Variants in IL22RA1 observed in about 807,000 individuals in gnomAD.
IL22RA1 encodes the protein interleukin-22 receptor subunit alpha-1.
IL22RA1 carries 25 observed loss-of-function variants against 32.8 expected under a neutral mutation model. The observed-to-expected ratio is 0.76, with a 90% confidence interval of 0.55 to 1.06. The LOEUF is 1.06. Ranked by LOEUF, IL22RA1 falls within the 50% of genes least tolerant of loss-of-function variation. The probability of loss-of-function intolerance (pLI) is 0.00; values close to 1 mark genes in which losing one functional copy is unlikely to be tolerated. For missense variants in IL22RA1, 709 were observed against 727.4 expected, an observed-to-expected ratio of 0.97 and a Z score of 0.29; for synonymous variants, 305 against 305.0, an observed-to-expected ratio of 1.00 and a Z score of 0.00.
intron 6 of IL22RA1, among the ~76,000 whole-genome samples, 184 bp from the exon 7 acceptor site, chr1:24,121,921 A>T (rs987452193): frequency 1.3e-5 from 2 of 152,150 alleles, no homozygotes; most frequent in African/African-American, 4.8e-5. Flanking sequence ...CTCTGAAGGG[A>T]CAGGGTCTCT....
At chr1:24,140,107 G>A (rs1644270149) in intron 1 of IL22RA1, among the ~76,000 whole-genome samples, 1 of 152,242 alleles carries the variant, frequency 6.6e-6, no homozygotes, top group South Asian at 2.1e-4. Context: ...TGGCATTTGT[G>A]AAGTGCACAG....
In IL22RA1 at chr1:24,143,074, C is replaced by T. The variant is rs763290710; in HGVS notation, c.9G>A (p.Thr3=). Residue 3 remains threonine, a synonymous_variant, in exon 1 of 7, where the codon ACG becomes ACA. Transcript: ENST00000270800. MR[T]LLTILTVGSL... ...ATCCCACAGTCAAGATGGTCAGCAG[C>T]GTCCTCATCGGGGCTGGCACAGAGC... is the stretch of plus-strand genomic sequence containing the variant. The T allele has an allele frequency of 1.3e-5, 21 of 1,613,000 alleles. No homozygotes were observed. The highest frequency in any genetic ancestry group is 6.7e-5 in the East Asian group (3 of 44,872).
intron 2 of IL22RA1, among the ~76,000 whole-genome samples, chr1:24,138,135 C>T (rs1569581784): frequency 6.6e-6 from 1 of 152,160 alleles, no homozygotes; most frequent in African/African-American, 2.4e-5. Context: ...GGAACAGGAG[C>T]GTGGGCTAGA....
intron 5 of IL22RA1, among the ~76,000 whole-genome samples, chr1:24,125,642 A>G (rs181043832): frequency 6.6e-6 from 1 of 152,278 alleles, no homozygotes; most frequent in Admixed American, 6.5e-5. Context: ...AACCAGATGA[A>G]TCAATCAGGT....
At chr1:24,124,908 G>A (rs1341617455) in intron 5 of IL22RA1, among the ~76,000 whole-genome samples, 4 of 152,142 alleles carry the variant, frequency 2.6e-5, no homozygotes, top group African/African-American at 9.7e-5. Flanking sequence ...GACATGGAAT[G>A]GTCTCTGGCT....
chr1:24,129,371 G>C (rs1557628339), intron 4 of IL22RA1, among the ~76,000 whole-genome samples: 1 of 152,216 alleles, frequency 6.6e-6, no homozygotes, highest in Non-Finnish European at 1.5e-5. Flanking sequence ...GGCCCTGCCA[G>C]CTCCCTGCTG....
chr1:24,124,404 T>G (rs1049355274), intron 5 of IL22RA1, among the ~76,000 whole-genome samples: 4 of 152,142 alleles, frequency 2.6e-5, no homozygotes, highest in Non-Finnish European at 4.4e-5. Flanking sequence ...TGCCTGAGCC[T>G]CTCCCTGTGT....
At chr1:24,135,393 A>G (rs1324479073) in intron 3 of IL22RA1, among the ~76,000 whole-genome samples, 1 of 152,214 alleles carries the variant, frequency 6.6e-6, no homozygotes, top group Non-Finnish European at 1.5e-5. Flanking sequence ...CATTTTCTAC[A>G]ATGAATGTGA....
intron 2 of IL22RA1, 124 bp from the exon 3 acceptor site, chr1:24,137,433 A>T (rs964738030): frequency 2.7e-6 from 2 of 744,778 alleles, no homozygotes; most frequent in African/African-American, 3.5e-5. Context: ...CAGGCCCTTT[A>T]TGCGAATGAT....
At chr1:24,134,409 G>A (rs1369727937) in intron 3 of IL22RA1, 23 bp from the exon 4 acceptor site, 1 of 1,449,290 alleles carries the variant, frequency 6.9e-7, no homozygotes, top group African/African-American at 1.5e-5. Context: ...AGAGAGAAAA[G>A]AGAAAAGAAA....
chr1:24,128,059 C>T, intron 5 of IL22RA1, 82 bp downstream of exon 5: 2 of 1,373,900 alleles, frequency 1.5e-6, no homozygotes, highest in East Asian at 2.6e-5. Flanking sequence ...TGCCAAGTCT[C>T]ACCTTGGTTA....
Position 24,121,022 on chromosome 1 carries a change from T to G in IL22RA1, c.1508A>C (p.Gln503Pro), listed in dbSNP as rs1644116352. ...GAGGGACATGGGGTGGCCCTCGATC[T>G]GGACTGAGGAGAGGAGGGGGAGCTG... ...KGQLPLLSSV[Q>P]IEGHPMSLPL... The change falls in exon 7 of 7, where the codon CAG becomes CCG. Residue 503 changes from glutamine to proline, a missense_variant. Coordinates refer to ENST00000270800, the MANE Select transcript of IL22RA1 (RefSeq NM_021258.4). 6.2e-7 allele frequency: 1 copy of G among 1,614,026 alleles called. No homozygotes were observed. Among genetic ancestry groups the G allele is most frequent in the Non-Finnish European group, 8.5e-7 (1 of 1,179,976 alleles).
At chr1:24,123,152 CT>C in intron 6 of IL22RA1, 149 bp downstream of exon 6, 1 of 1,217,926 alleles carries the variant, frequency 8.2e-7, no homozygotes, top group Non-Finnish European at 1.1e-6. Context: ...CGTCCGTTGA[CT>C]TTAGCTGGGA....
chr1:24,120,726 G>A lies in IL22RA1; in HGVS notation c.*79C>T. On this transcript the variant is annotated 3_prime_UTR_variant, in exon 7 of 7. Transcript: ENST00000270800. ...GGCCAGATCGCAGAGTGTGTGGCGT[G>A]GGCAGGCATGGGATTGACAGCCAAG... is the stretch of plus-strand genomic sequence containing the variant. 2 of 1,333,676 alleles carry A rather than the reference G, an allele frequency of 1.5e-6. No individual in the cohort carries two copies. Among genetic ancestry groups the A allele is most frequent in the Non-Finnish European group, 2.1e-6 (2 of 964,836 alleles). 82.6% of individuals were successfully genotyped at this position (1,333,676 alleles called of 1,614,324 possible). A position where few individuals can be genotyped will look rare whatever the true frequency, so the allele number is the denominator to read the frequency against.
intron 4 of IL22RA1, among the ~76,000 whole-genome samples, chr1:24,129,707 A>G (rs1644192303): frequency 6.6e-6 from 1 of 152,248 alleles, no homozygotes; most frequent in African/African-American, 2.4e-5. Flanking sequence ...TTTTTCAGGC[A>G]CATGGAGGCC....
intron 4 of IL22RA1, among the ~76,000 whole-genome samples, chr1:24,131,219 C>T (rs1644202624): frequency 6.6e-6 from 1 of 152,070 alleles, no homozygotes; most frequent in South Asian, 2.1e-4. Flanking sequence ...AAATAGAGAA[C>T]TTGAAGAAAG....
chr1:24,126,540 G>A lies in IL22RA1; in HGVS notation c.670+1601C>T, dbSNP rs114875920. 4.6e-3 allele frequency among the ~76,000 whole-genome samples: 699 copies of A among 152,284 alleles called. 5 individuals are homozygous for A. The highest frequency in any genetic ancestry group is 0.016 in the African/African-American group (658 of 41,556). On this transcript the variant is annotated intron_variant, in intron 5 of 6. Coordinates refer to ENST00000270800, the MANE Select transcript of IL22RA1 (RefSeq NM_021258.4). ...GGTTGGCTGACATCTGACTAATACC[G>A]TGCCTTCTCATTCCTCACACGGTAC...
At position 24,121,727 on chromosome 1, in the gene IL22RA1, C is replaced by T. The variant is rs141305131; in HGVS notation, c.803G>A (p.Arg268Gln). 182 of 1,535,428 alleles carry T rather than the reference C, an allele frequency of 1.2e-4. No individual in the cohort carries two copies. Among genetic ancestry groups the T allele is most frequent in the Non-Finnish European group, 1.4e-4 (161 of 1,136,752 alleles). The part of the protein sequence containing the change: ...PAPPNSLNVQ[R>Q]VLTFQPLRFI... Reference sequence around the variant, plus strand: ...GCGCAGCGGCTGGAAAGTCAGGACTCGCTGGACGTTCTGTGCAGGGACGAC... The same window carrying T: ...GCGCAGCGGCTGGAAAGTCAGGACTTGCTGGACGTTCTGTGCAGGGACGAC... Residue 268 changes from arginine (R) to glutamine (Q), a missense_variant, in exon 7 of 7, where the codon CGA (arginine) becomes CAA (glutamine). By Grantham distance (43) the Arg-to-Gln change is conservative (BLOSUM62 1). Coordinates refer to ENST00000270800, the MANE Select transcript of IL22RA1 (RefSeq NM_021258.4).
intron 5 of IL22RA1, among the ~76,000 whole-genome samples, chr1:24,127,748 T>A (rs1384671255): frequency 3.9e-5 from 6 of 152,182 alleles, no homozygotes; most frequent in Non-Finnish European, 7.3e-5. Context: ...ACTGCAGAAA[T>A]GCTAGTTATC....
Sources: allele counts gnomAD v4.1 joint callset (sites outside exome capture counted in the v4.1 genomes callset), GRCh38; gene constraint gnomAD v4.1.1; transcripts MANE v1.5; gene names NCBI Gene and HGNC (gene_info 2026-07-23, HGNC 2026-07-21).